The following LAMA1 variants were observed in gnomAD, a reference collection of about 807,000 sequenced individuals.
LAMA1 encodes the protein laminin subunit alpha 1.
In LAMA1, 219 loss-of-function variants were observed where a neutral mutation model predicts 348.7. That is an observed-to-expected ratio of 0.63 (90% CI 0.56 to 0.70). The LOEUF is 0.70. LAMA1 is among the 30% of genes least tolerant of loss of function. LAMA1 has a pLI of 0.00. For synonymous variants in LAMA1, 1,487 were observed against 1,491.0 expected, an observed-to-expected ratio of 1.00 and a Z score of 0.06; for missense variants, 3,744 against 3,888.0, an observed-to-expected ratio of 0.96 and a Z score of 0.99.
At chr18:7,105,200 A>C (rs1476618770) in intron 1 of LAMA1, among the ~76,000 whole-genome samples, 3 of 152,124 alleles carry the variant, frequency 2.0e-5, no homozygotes, top group Non-Finnish European at 4.4e-5. Flanking sequence ...GCACTTCAAG[A>C]GGCCGAGGCA....
intron 48 of LAMA1, among the ~76,000 whole-genome samples, chr18:6,967,611 A>T (rs1241631217): frequency 6.6e-6 from 1 of 152,146 alleles, no homozygotes; most frequent in Non-Finnish European, 1.5e-5. Flanking sequence ...GTTTTCTCTC[A>T]TTATTCTGCA....
chr18:6,942,894 A>C (rs1391368564), intron 62 of LAMA1, among the ~76,000 whole-genome samples: 2 of 151,878 alleles, frequency 1.3e-5, no homozygotes, highest in East Asian at 3.9e-4. Context: ...CCCTAAAATG[A>C]CTCCCAAGTC....
At chr18:6,982,655 G>A in intron 40 of LAMA1, 65 bp from the exon 41 acceptor site, 2 of 1,304,702 alleles carry the variant, frequency 1.5e-6, no homozygotes, top group Non-Finnish European at 2.2e-6. Context: ...TGGGGACAGA[G>A]GAAGTGACTC....
At chr18:7,104,996 T>C (rs560527439) in intron 1 of LAMA1, among the ~76,000 whole-genome samples, 2 of 152,190 alleles carry the variant, frequency 1.3e-5, no homozygotes, top group South Asian at 4.2e-4. Flanking sequence ...GTAAGGGGTG[T>C]GTGTGTGCAT....
chr18:6,974,357 A>G (rs2057671700), intron 46 of LAMA1, among the ~76,000 whole-genome samples: 1 of 152,152 alleles, frequency 6.6e-6, no homozygotes, highest in Non-Finnish European at 1.5e-5. Context: ...GTGAATGGAT[A>G]AAGAAAATGT....
intron 53 of LAMA1, 129 bp downstream of exon 53, chr18:6,961,455 ATT>A: frequency 1.8e-5 from 18 of 1,025,480 alleles, no homozygotes; most frequent in Non-Finnish European, 2.5e-5. Flanking sequence ...ACTTTTACTT[ATT>A]GAAAATGCAC....
intron 23 of LAMA1, among the ~76,000 whole-genome samples, chr18:7,012,497 ATATTATTATTAT>A (rs35789852): frequency 1.1e-3 from 159 of 143,574 alleles, no homozygotes; most frequent in Admixed American, 3.6e-3. Context: ...TATTATTATT[ATATTATTATTAT>A]TATTATTATT....
chr18:7,108,640 C>CAAAAAAAAAAAAAAAAAAAAAAAAA (rs58802341), intron 1 of LAMA1, among the ~76,000 whole-genome samples: 1 of 40,220 alleles, frequency 2.5e-5, no homozygotes, highest in Non-Finnish European at 4.2e-5. Context: ...GACTCTGTCT[C>CAAAAAAAAAAAAAAAAAAAAAAAAA]AAAAAAAAAA....
chr18:7,007,748 C>G (rs139447116), intron 28 of LAMA1, among the ~76,000 whole-genome samples: 35 of 147,722 alleles, frequency 2.4e-4, no homozygotes, highest in African/African-American at 8.1e-4. Flanking sequence ...TATTCACTGA[C>G]AGATTAACGA....
rs575169479 is a variant in LAMA1 at position 7,041,889 on chromosome 18, C to T, written c.1261+256G>A. On this transcript the variant is annotated intron_variant, in intron 9 of 62. Transcript: ENST00000389658. ...GCTTTATGTCCATGACACTACCTCT[C>T]GACCTGGCATTATATTACCCATGTA... 6.6e-5 allele frequency among the ~76,000 whole-genome samples: 10 copies of T among 152,290 alleles called. No individual in the cohort carries two copies. In the South Asian group the frequency reaches 1.7e-3, roughly 25 times the overall value.
intron 42 of LAMA1, among the ~76,000 whole-genome samples, chr18:6,979,864 A>C (rs1027628635): frequency 3.9e-5 from 6 of 152,252 alleles, no homozygotes; most frequent in East Asian, 1.9e-4. Flanking sequence ...GCGCCACTGC[A>C]CTCCAGCCTG....
chr18:6,981,031 A>T (rs756251414), intron 41 of LAMA1, among the ~76,000 whole-genome samples: 39 of 151,162 alleles, frequency 2.6e-4, no homozygotes, highest in Non-Finnish European at 5.0e-4. Flanking sequence ...TGAACCCGGG[A>T]GGTGGAACTT....
At chr18:6,989,776 G>A (rs531806024) in intron 36 of LAMA1, among the ~76,000 whole-genome samples, 13 of 152,128 alleles carry the variant, frequency 8.5e-5, no homozygotes, top group Non-Finnish European at 1.5e-4. Context: ...CAGGAACCAC[G>A]CACTCTGGAG....
In LAMA1 at chr18:6,985,310, T is replaced by A. The variant is rs532071998; in HGVS notation, c.5587A>T (p.Asn1863Tyr). 1 of 1,614,236 alleles carries A rather than the reference T, an allele frequency of 6.2e-7. No individual in the cohort carries two copies. Among genetic ancestry groups the A allele is most frequent in the Non-Finnish European group, 8.5e-7 (1 of 1,180,044 alleles). The change falls in exon 39 of 63, where the codon AAC becomes TAC. Residue 1863 changes from asparagine to tyrosine, a missense_variant. By Grantham distance (143) the Asn-to-Tyr change is moderately radical (BLOSUM62 -2). This residue lies in a region of LAMA1 where 1,983 missense variants were observed against 1,934.3 expected (regional missense o/e 1.03). Coordinates refer to ENST00000389658, the MANE Select transcript of LAMA1 (RefSeq NM_005559.4). ...GCTCTGTAGACCAGGTCGACTGCGT[T>A]CCTTTGGGACATGTGCATGACCAGG... is the stretch of plus-strand genomic sequence containing the variant. ...DDLVMHMSQR[N>Y]AVDLVYRAED...
chr18:7,043,193 A>T (rs1166004828), intron 8 of LAMA1, 34 bp downstream of exon 8: 3 of 1,609,022 alleles, frequency 1.9e-6, no homozygotes, highest in Middle Eastern at 1.7e-4. Context: ...GGGGAAGATG[A>T]TGAAGATCAG....
At chr18:6,962,782 G>A (rs970320376) in intron 51 of LAMA1, among the ~76,000 whole-genome samples, 7 of 152,214 alleles carry the variant, frequency 4.6e-5, no homozygotes, top group Non-Finnish European at 1.0e-4. Flanking sequence ...GTCATTGGCT[G>A]TTGTTTACGT....
In LAMA1 at chr18:6,980,594, T is replaced by A; in HGVS notation, c.5934A>T (p.Arg1978Ser). The change falls in exon 42 of 63, where the codon AGA (arginine) becomes AGT (serine). Residue 1978 changes from arginine to serine, a missense_variant. This residue lies in a region of LAMA1 where 1,983 missense variants were observed against 1,934.3 expected (regional missense o/e 1.03). Transcript: ENST00000389658. ...ELSELRNKTN[R>S]FQENAVEITR... Reference sequence around the variant, plus strand: ...TAATTTCAACAGCATTCTCTTGAAATCTGTTTGTCTTATTTCTCAATTCAC... The same window carrying A: ...TAATTTCAACAGCATTCTCTTGAAAACTGTTTGTCTTATTTCTCAATTCAC... 6.2e-7 allele frequency: 1 copy of A among 1,613,498 alleles called. No individual in the cohort carries two copies. The highest frequency in any genetic ancestry group is 8.5e-7 in the Non-Finnish European group (1 of 1,179,498).
At chr18:7,103,818 TAA>T (rs879567305) in intron 1 of LAMA1, among the ~76,000 whole-genome samples, 1 of 142,154 alleles carries the variant, frequency 7.0e-6, no homozygotes. Context: ...GACTCCGTCT[TAA>T]AAAAAAAAAA....
intron 57 of LAMA1, among the ~76,000 whole-genome samples, chr18:6,953,533 G>A (rs576070656): frequency 6.6e-6 from 1 of 152,244 alleles, no homozygotes; most frequent in African/African-American, 2.4e-5. Flanking sequence ...CGTATCCCCC[G>A]AGGAGAAGGG....
Sources: allele counts gnomAD v4.1 joint callset (sites outside exome capture counted in the v4.1 genomes callset), GRCh38; gene constraint gnomAD v4.1.1; regional missense constraint gnomAD v4.1.1; transcripts MANE v1.5; gene names NCBI Gene and HGNC (gene_info 2026-07-23, HGNC 2026-07-21).